Variants in MSL2 observed in about 807,000 individuals in gnomAD.
The protein encoded by MSL2 is MSL complex subunit 2, also known as E3 ubiquitin-protein ligase MSL2.
A neutral mutation model predicts 35.8 loss-of-function variants in MSL2; 2 were observed. The ratio of observed to expected loss-of-function variants is 0.06; its 90% CI spans 0.02 to 0.18. The LOEUF (loss-of-function observed/expected upper bound fraction) is 0.18, where lower values mean the gene tolerates loss of function less well. Among genes scored for constraint, MSL2 ranks in the 10% least tolerant of loss-of-function variants. MSL2 has a pLI of 1.00. For synonymous variants in MSL2, 296 were observed against 255.7 expected, an observed-to-expected ratio of 1.16 and a Z score of -1.50; for missense variants, 523 against 706.7, an observed-to-expected ratio of 0.74 and a Z score of 2.95.
In MSL2 at chr3:136,190,058, GCAA is replaced by G; in HGVS notation, c.142+4911_142+4913del. 4.6e-5 allele frequency among the ~76,000 whole-genome samples: 7 copies of G among 152,186 alleles called. No homozygotes were observed. The Middle Eastern group carries it at 0.024, about 518-fold the overall frequency. On this transcript the variant is annotated intron_variant, in intron 1 of 1. Transcript: ENST00000309993. ...ATCATGCCACTGCACTCCAGCCTGGGCAACATAGCAAGACCCTGTCTCAAAAAT... is the reference window on the plus strand; with the variant it reads ...ATCATGCCACTGCACTCCAGCCTGGGCATAGCAAGACCCTGTCTCAAAAAT...
At chr3:136,179,171 A>T (rs1940268096) in intron 1 of MSL2, among the ~76,000 whole-genome samples, 1 of 151,552 alleles carries the variant, frequency 6.6e-6, no homozygotes, top group Admixed American at 6.6e-5. Flanking sequence ...ATTTGGTCAC[A>T]GGTGTTCACT....
At chr3:136,184,609 A>C (rs1056129130) in intron 1 of MSL2, among the ~76,000 whole-genome samples, 3 of 152,128 alleles carry the variant, frequency 2.0e-5, no homozygotes, top group Non-Finnish European at 2.9e-5. Flanking sequence ...TCTCAAAAAA[A>C]CAAACAAACA....
Position 136,195,602 on chromosome 3 carries a change from G to A in MSL2, c.-489C>T. Reference sequence around the variant, plus strand: ...CTTACTCCATCCCAGTACAGGGCGCGGAGGCGGCGGCGACGGCAAGGACGA... The same window carrying A: ...CTTACTCCATCCCAGTACAGGGCGCAGAGGCGGCGGCGACGGCAAGGACGA... On this transcript the variant is annotated 5_prime_UTR_variant, in exon 1 of 2. Coordinates refer to ENST00000309993, the MANE Select transcript of MSL2 (RefSeq NM_018133.4). 6.1e-6 allele frequency: 6 copies of A among 986,520 alleles called. No homozygotes were observed. The highest frequency in any genetic ancestry group is 7.2e-6 in the Non-Finnish European group (6 of 830,664). The allele number at this position is 986,520 out of a possible 1,614,324, so 61.1% of individuals were successfully genotyped here. A position where few individuals can be genotyped will look rare whatever the true frequency, so the allele number is the denominator to read the frequency against.
chr3:136,162,214 G>A (rs1336300698), intron 1 of MSL2, among the ~76,000 whole-genome samples: 6 of 151,068 alleles, frequency 4.0e-5, no homozygotes, highest in Non-Finnish European at 8.8e-5. Context: ...GGGATTACAG[G>A]CATGAGCCAC....
rs112271337 is a variant in MSL2, at chr3:136,162,559, AAC to A, written c.143-9823_143-9822del. ...TGCGCCACTGCGGTCCAGCCTGGGC[AAC>A]AGAGCCTGCACCTGTCTCAAAAACA... On this transcript the variant is annotated intron_variant, in intron 1 of 1. Transcript: ENST00000309993. 7.9e-3 allele frequency among the ~76,000 whole-genome samples: 1,198 copies of A among 152,272 alleles called. 22 individuals are homozygous for A. The highest frequency in any genetic ancestry group is 0.026 in the African/African-American group (1,090 of 41,562).
intron 1 of MSL2, among the ~76,000 whole-genome samples, chr3:136,163,607 G>A (rs996417821): frequency 1.3e-5 from 2 of 152,152 alleles, no homozygotes; most frequent in East Asian, 3.9e-4. Flanking sequence ...AACCTGAAGA[G>A]GTTCCCACTG....
At chr3:136,192,259 G>A (rs1486869544) in intron 1 of MSL2, among the ~76,000 whole-genome samples, 1 of 152,130 alleles carries the variant, frequency 6.6e-6, no homozygotes, top group Non-Finnish European at 1.5e-5. Context: ...TGCAACCTCT[G>A]CCTCCCAGGT....
At chr3:136,189,065 G>A (rs1940604552) in intron 1 of MSL2, among the ~76,000 whole-genome samples, 1 of 108,674 alleles carries the variant, frequency 9.2e-6, no homozygotes, top group Non-Finnish European at 1.7e-5. Flanking sequence ...CTTAGGAAAA[G>A]AGATCATACA....
At chr3:136,185,528 C>CTTTTTTTTTT in intron 1 of MSL2, among the ~76,000 whole-genome samples, 1 of 74,582 alleles carries the variant, frequency 1.3e-5, no homozygotes, top group Non-Finnish European at 2.7e-5. Flanking sequence ...CTCTTTTTTT[C>CTTTTTTTTTT]TTTTTTTTTG....
In MSL2 at chr3:136,150,960, T is replaced by C. The variant is rs182056963; in HGVS notation, c.*187A>G. ...TCTGTAAGAACTAAGGACATATAGT[T>C]GTAGGGTTACTCCTCCATTATCTGC... is the stretch of plus-strand genomic sequence containing the variant. On this transcript the variant is annotated 3_prime_UTR_variant, in exon 2 of 2. Coordinates refer to ENST00000309993, the MANE Select transcript of MSL2 (RefSeq NM_018133.4). 3.1e-5 allele frequency: 19 copies of C among 619,114 alleles called. No homozygotes were observed. In the East Asian group the frequency reaches 4.9e-4, roughly 16 times the overall value. The allele number at this position is 619,114 out of a possible 1,614,324, so 38.4% of individuals were successfully genotyped here.
At chr3:136,177,295 C>G (rs2108082126) in intron 1 of MSL2, among the ~76,000 whole-genome samples, 1 of 152,228 alleles carries the variant, frequency 6.6e-6, no homozygotes, top group South Asian at 2.1e-4. Context: ...ATATCTAGCA[C>G]AAATAATCAT....
intron 1 of MSL2, among the ~76,000 whole-genome samples, chr3:136,185,542 G>A (rs1054615212): frequency 2.7e-5 from 4 of 146,132 alleles, no homozygotes; most frequent in Non-Finnish European, 6.1e-5. Flanking sequence ...TTTTTTGGAG[G>A]GGGGGGTGGG....
intron 1 of MSL2, among the ~76,000 whole-genome samples, chr3:136,167,801 T>C (rs1576363366): frequency 6.6e-6 from 1 of 152,136 alleles, no homozygotes; most frequent in South Asian, 2.1e-4. Flanking sequence ...TGGGAAAATA[T>C]TTGGAATGGA....
chr3:136,188,526 G>T (rs917940105), intron 1 of MSL2, among the ~76,000 whole-genome samples: 3 of 151,840 alleles, frequency 2.0e-5, no homozygotes, highest in Non-Finnish European at 4.4e-5. Context: ...AAAGTGGAAG[G>T]ACTGCCTCAG....
At position 136,151,982 on chromosome 3, in the gene MSL2, T is replaced by C. The variant is rs1939387196; in HGVS notation, c.899A>G (p.Asn300Ser). The C allele has an allele frequency of 1.9e-6, 3 of 1,614,092 alleles. No individual in the cohort carries two copies. Among genetic ancestry groups the C allele is most frequent in the East Asian group, 2.2e-5 (1 of 44,906 alleles). The change falls in exon 2 of 2, where the codon AAT (asparagine) becomes AGT (serine). Residue 300 changes from asparagine to serine, a missense_variant. By Grantham distance (46) the Asn-to-Ser change is conservative (BLOSUM62 1). This residue lies in a region of MSL2 where 361 missense variants were observed against 414.6 expected (regional missense o/e 0.87). Transcript: ENST00000309993. This position sits in a 1 kb window ranked among gnomAD's most constrained non-coding sequence, Gnocchi z 5.2. Reference protein sequence around the residue: ...LQPNLEATVSNGPFLQLSSQS... With the variant: ...LQPNLEATVSSGPFLQLSSQS... Reference sequence around the variant, plus strand: ...GGAAGAAAGCTGCAGAAAAGGTCCATTGGATACAGTGGCTTCCAAGTTCGG... The same window carrying C: ...GGAAGAAAGCTGCAGAAAAGGTCCACTGGATACAGTGGCTTCCAAGTTCGG...
intron 1 of MSL2, among the ~76,000 whole-genome samples, chr3:136,160,356 AG>A (rs1193338525): frequency 4.4e-5 from 1 of 22,692 alleles, no homozygotes; most frequent in African/African-American, 1.7e-4. Context: ...GGAGGGAGGG[AG>A]GGAGGGAGGG....
intron 1 of MSL2, among the ~76,000 whole-genome samples, chr3:136,163,015 A>G (rs937984508): frequency 2.0e-5 from 3 of 150,422 alleles, no homozygotes; most frequent in Non-Finnish European, 4.4e-5. Context: ...AGTTGTTAAG[A>G]GAGAAAAGGT....
intron 1 of MSL2, chr3:136,194,376 T>C: frequency 1.0e-6 from 1 of 981,112 alleles, no homozygotes; most frequent in Non-Finnish European, 1.2e-6. Context: ...AATGAAAAAG[T>C]GGTAAGTAAA....
chr3:136,175,191 A>G (rs1007497761), intron 1 of MSL2, among the ~76,000 whole-genome samples: 1 of 152,084 alleles, frequency 6.6e-6, no homozygotes, highest in African/African-American at 2.4e-5. Flanking sequence ...TAAAAATACA[A>G]AAAGTAGCCA....
Sources: allele counts gnomAD v4.1 joint callset (sites outside exome capture counted in the v4.1 genomes callset), GRCh38; gene constraint gnomAD v4.1.1; regional missense constraint gnomAD v4.1.1; non-coding constraint Gnocchi (gnomAD v3.1); transcripts MANE v1.5; gene names NCBI Gene and HGNC (gene_info 2026-07-23, HGNC 2026-07-21).